The following C12orf42 variants were observed in gnomAD, a reference collection of about 807,000 sequenced individuals.
C12orf42 encodes the protein uncharacterized protein C12orf42.
Under a neutral mutation model 21.6 loss-of-function variants are expected in C12orf42, and 25 were observed. That is an observed-to-expected ratio of 1.16 (90% CI 0.84 to 1.62). The LOEUF (loss-of-function observed/expected upper bound fraction) is 1.62. Ranked by LOEUF, C12orf42 falls within the 40% of genes most tolerant of loss-of-function variation. The pLI, the probability that C12orf42 is intolerant of heterozygous loss-of-function variation, is 0.00. For missense variants in C12orf42, 483 were observed against 459.3 expected (o/e 1.05, Z -0.47); for synonymous variants, 174 against 175.0 (o/e 0.99, Z 0.05).
At chr12:103,493,911 T>C (rs1172365812) in intron 1 of C12orf42, among the ~76,000 whole-genome samples, 1 of 152,222 alleles carries the variant, frequency 6.6e-6, no homozygotes, top group African/African-American at 2.4e-5. Flanking sequence ...TAATGATTTC[T>C]AACTTCATCT....
downstream of C12orf42, among the ~76,000 whole-genome samples, chr12:103,297,370 A>G (rs1384785205): frequency 2.0e-5 from 3 of 151,650 alleles, no homozygotes; most frequent in African/African-American, 7.3e-5. Flanking sequence ...TATGAACTTT[A>G]AAGTTACATA....
chr12:103,078,763 A>G, the C12orf42 span, among the ~76,000 whole-genome samples: 769 of 152,364 alleles, frequency 5.0e-3, 6 homozygotes, highest in Non-Finnish European at 7.7e-3. Flanking sequence ...GACTTGGTCA[A>G]AAGACAAGAA....
the C12orf42 span, among the ~76,000 whole-genome samples, chr12:103,108,386 T>G: frequency 6.6e-6 from 1 of 151,918 alleles, no homozygotes; most frequent in African/African-American, 2.4e-5. Flanking sequence ...CCTATCTCCT[T>G]CAGAAGTATA....
chr12:103,469,773 C>T (rs1231979492), intron 2 of C12orf42, among the ~76,000 whole-genome samples: 5 of 152,086 alleles, frequency 3.3e-5, no homozygotes, highest in African/African-American at 4.8e-5. Context: ...AAAGCCACAT[C>T]GATTAGACAG....
At chr12:103,461,399 T>C (rs1952687062) in intron 2 of C12orf42, among the ~76,000 whole-genome samples, 1 of 152,078 alleles carries the variant, frequency 6.6e-6, no homozygotes, top group Non-Finnish European at 1.5e-5. Flanking sequence ...GAAATTAAAG[T>C]CAGGAAATGT....
chr12:103,207,183 G>A, the C12orf42 span, among the ~76,000 whole-genome samples: 1 of 152,180 alleles, frequency 6.6e-6, no homozygotes, highest in Non-Finnish European at 1.5e-5. Context: ...CTGAGTGCAG[G>A]CAAATGGCAG....
chr12:103,099,395 A>G, the C12orf42 span, among the ~76,000 whole-genome samples: 1 of 152,246 alleles, frequency 6.6e-6, no homozygotes, highest in Non-Finnish European at 1.5e-5. Flanking sequence ...AGCAAGGGAT[A>G]CAGATGCACA....
chr12:103,171,213 G>T, the C12orf42 span, among the ~76,000 whole-genome samples: 1 of 152,062 alleles, frequency 6.6e-6, no homozygotes, highest in Non-Finnish European at 1.5e-5. Context: ...CACTGACCCT[G>T]CACAATCTTT....
At chr12:103,322,474 AAAG>A (rs2040274414) in intron 4 of C12orf42, among the ~76,000 whole-genome samples, 2 of 152,148 alleles carry the variant, frequency 1.3e-5, no homozygotes, top group South Asian at 2.1e-4. Flanking sequence ...ACAGTGAGCA[AAAG>A]AAGATGACAT....
chr12:103,072,009 C>T, the C12orf42 span, among the ~76,000 whole-genome samples: 2 of 152,160 alleles, frequency 1.3e-5, no homozygotes, highest in African/African-American at 4.8e-5. Flanking sequence ...AGCATCATCT[C>T]TATCTGTTCC....
At chr12:103,398,389 TG>T in intron 3 of C12orf42, among the ~76,000 whole-genome samples, 1 of 152,308 alleles carries the variant, frequency 6.6e-6, no homozygotes, top group South Asian at 2.1e-4. Context: ...TACAAATTTG[TG>T]GGAATTCTAT....
chr12:103,256,582 A>C (rs1053035182), intron 10 of C12orf42, among the ~76,000 whole-genome samples: 3 of 152,174 alleles, frequency 2.0e-5, no homozygotes, highest in Admixed American at 1.3e-4. Flanking sequence ...ACACCTAAGA[A>C]ACTGAAAATA....
At chr12:103,497,736 TA>T (rs1955601170), upstream of C12orf42, among the ~76,000 whole-genome samples, 1 of 152,128 alleles carries the variant, frequency 6.6e-6, no homozygotes, top group Admixed American at 6.5e-5. Context: ...AAACAGATTT[TA>T]AAAGAAAGAA....
chr12:103,310,287 C>A (rs1216800410), intron 4 of C12orf42, among the ~76,000 whole-genome samples: 1 of 152,152 alleles, frequency 6.6e-6, no homozygotes, highest in Admixed American at 6.5e-5. Flanking sequence ...GTCTCTCCCT[C>A]TCACTTGCTC....
intron 4 of C12orf42, among the ~76,000 whole-genome samples, chr12:103,318,024 G>A (rs943974732): frequency 2.0e-5 from 3 of 152,124 alleles, no homozygotes; most frequent in Non-Finnish European, 4.4e-5. Flanking sequence ...CCAACATGCT[G>A]GGCACGGTGG....
the C12orf42 span, among the ~76,000 whole-genome samples, chr12:103,552,544 G>A: frequency 6.6e-6 from 1 of 152,138 alleles, no homozygotes. Flanking sequence ...ATGGTGAAAA[G>A]GAAATATCTC....
At chr12:103,440,274 G>A (rs1209891326) in intron 2 of C12orf42, among the ~76,000 whole-genome samples, 1 of 107,618 alleles carries the variant, frequency 9.3e-6, no homozygotes, top group Non-Finnish European at 1.8e-5. Flanking sequence ...CGGGGGAGGG[G>A]GGAGGGATAG....
the C12orf42 span, among the ~76,000 whole-genome samples, chr12:103,555,620 A>G: frequency 6.6e-6 from 1 of 152,158 alleles, no homozygotes; most frequent in Non-Finnish European, 1.5e-5. Context: ...CAGCATGGGC[A>G]TCTCCTGAGA....
At chr12:103,095,751 T>C in the C12orf42 span, among the ~76,000 whole-genome samples, 23 of 152,320 alleles carry the variant, frequency 1.5e-4, no homozygotes, top group African/African-American at 4.8e-4. Context: ...TCCTGACACA[T>C]AGTAGGTGCT....
Sources: allele counts gnomAD v4.1 joint callset (sites outside exome capture counted in the v4.1 genomes callset), GRCh38; gene constraint gnomAD v4.1.1; transcripts MANE v1.5; gene names NCBI Gene and HGNC (gene_info 2026-07-23, HGNC 2026-07-21).